CSMD1: variants seen among roughly 807,000 people sequenced by gnomAD.
CSMD1 encodes the protein CUB and sushi domain-containing protein 1.
CSMD1 carries 213 observed loss-of-function variants against 417.5 expected under a neutral mutation model. That is an observed-to-expected ratio of 0.51 (90% confidence interval 0.46 to 0.57). CSMD1 has a LOEUF of 0.57. Ranked by LOEUF, CSMD1 falls within the 20% of genes least tolerant of loss-of-function variation. The pLI is 0.00. For synonymous variants in CSMD1, 2,862 were observed against 1,736.8 expected (o/e 1.65, Z -16.11); for missense variants, 6,923 against 4,529.7 (o/e 1.53, Z -15.17).
Position 2,938,545 on chromosome 8 carries a change from G to T in CSMD1, c.*40C>A, listed in dbSNP as rs1346878361. On this transcript the variant is annotated 3_prime_UTR_variant, in exon 70 of 70. Coordinates refer to ENST00000635120, the MANE Select transcript of CSMD1 (RefSeq NM_033225.6). ...CAAAGGAATCACTGCTTGTCCATCAGAGGTATGGCTATGAATCAGTCCTGT... is the reference window on the plus strand; with the variant it reads ...CAAAGGAATCACTGCTTGTCCATCATAGGTATGGCTATGAATCAGTCCTGT... 6.3e-7 allele frequency: 1 copy of T among 1,578,404 alleles called. No individual in the cohort carries two copies. Among genetic ancestry groups the T allele is most frequent in the Admixed American group, 1.8e-5 (1 of 56,662 alleles).
chr8:3,737,341 C>G (rs1419309696), intron 6 of CSMD1, among the ~76,000 whole-genome samples: 1 of 152,162 alleles, frequency 6.6e-6, no homozygotes, highest in South Asian at 2.1e-4. Flanking sequence ...CCTCACATTC[C>G]TAATGTGACC....
At chr8:3,880,699 C>G (rs1334456021) in intron 5 of CSMD1, among the ~76,000 whole-genome samples, 2 of 152,142 alleles carry the variant, frequency 1.3e-5, no homozygotes, top group Non-Finnish European at 2.9e-5. Flanking sequence ...TTCCCAAATC[C>G]TCAGCTCCAA....
chr8:4,599,991 G>C (rs1800498567), intron 2 of CSMD1, among the ~76,000 whole-genome samples: 1 of 152,162 alleles, frequency 6.6e-6, no homozygotes, highest in Non-Finnish European at 1.5e-5. Context: ...TGTTCACTGT[G>C]ATAACTAGAA....
intron 2 of CSMD1, among the ~76,000 whole-genome samples, chr8:4,535,703 A>G (rs991659252): frequency 2.6e-5 from 4 of 152,136 alleles, no homozygotes; most frequent in South Asian, 2.1e-4. Context: ...TTTATTTACA[A>G]TAAGGTATTT....
intron 2 of CSMD1, among the ~76,000 whole-genome samples, chr8:4,428,740 G>A (rs894274534): frequency 6.6e-6 from 1 of 152,044 alleles, no homozygotes; most frequent in Non-Finnish European, 1.5e-5. Flanking sequence ...TATTTATTGA[G>A]AAGGAGTCTA....
chr8:3,829,930 GA>G lies in CSMD1; in HGVS notation c.819-75889del, dbSNP rs201212857. 2.4e-4 allele frequency among the ~76,000 whole-genome samples: 36 copies of G among 151,662 alleles called. No individual in the cohort carries two copies. The East Asian group carries it at 4.6e-3, about 20-fold the overall frequency. On this transcript the variant is annotated intron_variant, in intron 5 of 69. Transcript: ENST00000635120. The stretch of plus-strand genomic sequence containing the variant: ...GGGAAAATGAAGGCTTTTCTCCTTT[GA>G]AAAAAAACTGATTTCAAGGAAAATT...
intron 3 of CSMD1, among the ~76,000 whole-genome samples, chr8:4,159,714 G>T (rs546786229): frequency 2.0e-5 from 3 of 152,024 alleles, no homozygotes; most frequent in Non-Finnish European, 4.4e-5. Flanking sequence ...TCAGCCTCCC[G>T]AGCAGCTGGG....
At chr8:4,525,585 C>G (rs1796471885) in intron 2 of CSMD1, among the ~76,000 whole-genome samples, 1 of 152,154 alleles carries the variant, frequency 6.6e-6, no homozygotes, top group African/African-American at 2.4e-5. Flanking sequence ...TTGTAATTAT[C>G]TGGTTTATAC....
At chr8:4,821,712 A>T (rs1799535445) in intron 1 of CSMD1, among the ~76,000 whole-genome samples, 1 of 152,096 alleles carries the variant, frequency 6.6e-6, no homozygotes, top group South Asian at 2.1e-4. Flanking sequence ...TTTTGGTTGA[A>T]TTCCAAGCAA....
intron 1 of CSMD1, among the ~76,000 whole-genome samples, chr8:4,876,806 A>C (rs767370710): frequency 6.6e-6 from 1 of 151,982 alleles, no homozygotes; most frequent in Non-Finnish European, 1.5e-5. Flanking sequence ...TTTCCTTCTC[A>C]GATCTAAATT....
At chr8:3,609,951 A>T (rs1041785887) in intron 8 of CSMD1, among the ~76,000 whole-genome samples, 1 of 150,790 alleles carries the variant, frequency 6.6e-6, no homozygotes, top group African/African-American at 2.4e-5. Flanking sequence ...ACGGGCGCAC[A>T]CCAACATGCC....
intron 5 of CSMD1, among the ~76,000 whole-genome samples, chr8:3,900,006 G>A (rs965423855): frequency 6.6e-6 from 1 of 152,252 alleles, no homozygotes; most frequent in Non-Finnish European, 1.5e-5. Context: ...GGTTGACAAT[G>A]CAGCTGGGTG....
chr8:3,958,860 G>C (rs1033746667), intron 5 of CSMD1, among the ~76,000 whole-genome samples: 1 of 152,326 alleles, frequency 6.6e-6, no homozygotes. Flanking sequence ...AGTGTAAGTA[G>C]ATGATAATGG....
At chr8:3,504,410 G>A (rs1286401570) in intron 10 of CSMD1, among the ~76,000 whole-genome samples, 1 of 152,084 alleles carries the variant, frequency 6.6e-6, no homozygotes, top group African/African-American at 2.4e-5. Flanking sequence ...GGGGATTTCT[G>A]GGATTCAAGA....
chr8:3,625,202 C>T (rs1346005742), intron 7 of CSMD1, among the ~76,000 whole-genome samples: 1 of 152,104 alleles, frequency 6.6e-6, no homozygotes, highest in African/African-American at 2.4e-5. Flanking sequence ...ATTGTTGACA[C>T]TTGGATGATA....
At chr8:4,059,655 C>G (rs1412454346) in intron 3 of CSMD1, among the ~76,000 whole-genome samples, 2 of 152,134 alleles carry the variant, frequency 1.3e-5, no homozygotes, top group Non-Finnish European at 2.9e-5. Flanking sequence ...TCAGAGAATA[C>G]TACAAACACC....
In CSMD1 at chr8:3,162,197, C is replaced by T. The variant is rs1463953308; in HGVS notation, c.5806G>A (p.Val1936Met). The T allele has an allele frequency of 5.0e-6, 8 of 1,610,380 alleles. No individual in the cohort carries two copies. Among genetic ancestry groups the T allele is most frequent in the Admixed American group, 1.7e-5 (1 of 59,706 alleles). ...KIGDRYMVNDVLSFQCEPGYT... is the reference protein window; with the variant it reads ...KIGDRYMVNDMLSFQCEPGYT... ...CCGGGCTCGCACTGGAAGGAGAGCA[C>T]GTCGTTCACCATGTACCGATCTCCG... is the stretch of plus-strand genomic sequence containing the variant. The change falls in exon 38 of 70, where the codon GTG (valine) becomes ATG (methionine). Residue 1936 changes from valine to methionine, a missense_variant. Coordinates refer to ENST00000635120, the MANE Select transcript of CSMD1 (RefSeq NM_033225.6).
At position 3,971,604 on chromosome 8, in the gene CSMD1, C is replaced by T. The variant is rs191804719; in HGVS notation, c.818+26299G>A. Among the ~76,000 whole-genome samples the T allele has an allele frequency of 2.1e-3, 318 of 152,136 alleles. 1 individual carries two copies. Among genetic ancestry groups the T allele is most frequent in the African/African-American group, 7.4e-3 (306 of 41,494 alleles). On this transcript the variant is annotated intron_variant, in intron 5 of 69. Coordinates refer to ENST00000635120, the MANE Select transcript of CSMD1 (RefSeq NM_033225.6). ...TTTTGTAGAATATGTTCAGTTTTGA[C>T]GGTCACTTCTACTTCTATTTCCTCA...
chr8:4,341,165 G>T (rs745527760), intron 3 of CSMD1, among the ~76,000 whole-genome samples: 1 of 152,070 alleles, frequency 6.6e-6, no homozygotes, highest in African/African-American at 2.4e-5. Flanking sequence ...ATTAGTAGGC[G>T]TTGATCATCT....
Sources: gnomAD v4.1 joint callset for allele counts (sites outside exome capture counted in the v4.1 genomes callset) on GRCh38, gnomAD v4.1.1 for gene constraint, MANE v1.5 for transcripts, NCBI Gene and HGNC (gene_info 2026-07-23, HGNC 2026-07-21) for gene names.